MEI4: variants seen among roughly 807,000 people sequenced by gnomAD.
MEI4 encodes meiosis-specific protein MEI4.
A neutral mutation model predicts 31.4 loss-of-function variants in MEI4; 27 were observed. That is an observed-to-expected ratio of 0.86 (90% confidence interval 0.63 to 1.19). MEI4 has a LOEUF of 1.19. MEI4 is among the 50% of genes most tolerant of loss of function. The pLI is 0.00. For synonymous variants in MEI4, 122 were observed against 145.4 expected, an observed-to-expected ratio of 0.84 and a Z score of 1.16; for missense variants, 329 against 398.9, an observed-to-expected ratio of 0.82 and a Z score of 1.49.
chr6:77,915,431 C>CT (rs925429449), intron 4 of MEI4, among the ~76,000 whole-genome samples: 2 of 151,804 alleles, frequency 1.3e-5, no homozygotes, highest in East Asian at 1.9e-4. Flanking sequence ...AGGTTTTTTC[C>CT]TTTTTTTAGA....
At chr6:77,894,623 G>A (rs1170805359) in intron 4 of MEI4, among the ~76,000 whole-genome samples, 4 of 152,134 alleles carry the variant, frequency 2.6e-5, no homozygotes, top group African/African-American at 9.7e-5. Context: ...CTTTTGTAAT[G>A]TAATAATCTG....
chr6:77,915,742 C>A (rs1161579136), intron 4 of MEI4, among the ~76,000 whole-genome samples: 1 of 151,800 alleles, frequency 6.6e-6, no homozygotes. Context: ...TAGGGAAGAT[C>A]TTTTTTAATT....
upstream of MEI4, among the ~76,000 whole-genome samples, chr6:77,650,918 G>A (rs1424806973): frequency 6.6e-6 from 1 of 152,190 alleles, no homozygotes; most frequent in African/African-American, 2.4e-5. Context: ...CTTTGGTGGA[G>A]TTGTCAAATC....
intron 3 of MEI4, among the ~76,000 whole-genome samples, chr6:77,811,560 A>G (rs748147613): frequency 3.3e-5 from 5 of 152,012 alleles, no homozygotes; most frequent in Admixed American, 6.6e-5. Context: ...GATGGATCAC[A>G]AGGTCAAGAG....
At chr6:77,910,452 C>T (rs973645274) in intron 4 of MEI4, among the ~76,000 whole-genome samples, 13 of 152,202 alleles carry the variant, frequency 8.5e-5, no homozygotes, top group African/African-American at 2.6e-4. Flanking sequence ...CTCTCATTCA[C>T]AATTGCTTCA....
At chr6:77,774,362 C>T (rs1005662546) in intron 3 of MEI4, among the ~76,000 whole-genome samples, 3 of 152,026 alleles carry the variant, frequency 2.0e-5, no homozygotes, top group Non-Finnish European at 4.4e-5. Context: ...TCATTTGCAA[C>T]GACATTGATG....
At chr6:77,829,181 C>G (rs1479420328) in intron 4 of MEI4, 119 bp downstream of exon 4, 2 of 721,314 alleles carry the variant, frequency 2.8e-6, no homozygotes, top group Non-Finnish European at 3.8e-6. Flanking sequence ...TACCTTATGT[C>G]TAATATATGT....
chr6:77,685,980 A>G (rs566407756), intron 1 of MEI4, among the ~76,000 whole-genome samples: 8 of 114,186 alleles, frequency 7.0e-5, no homozygotes, highest in African/African-American at 2.3e-4. Flanking sequence ...TCATGGGGAC[A>G]GCTTTCTCAG....
chr6:77,666,889 G>A (rs9350714), intron 1 of MEI4, among the ~76,000 whole-genome samples: 48,399 of 151,526 alleles, frequency 0.32, 8,238 homozygotes, highest in Middle Eastern at 0.37. Context: ...GTGTGCGTGC[G>A]TGCGTGCGTG....
rs1766791037 is a variant in MEI4 at position 77,924,273 on chromosome 6, T to TC, written c.*927_*928insC. The TC allele has an allele frequency of 6.6e-6, 1 of 151,894 alleles. No individual in the cohort carries two copies. Among genetic ancestry groups the TC allele is most frequent in the South Asian group, 2.1e-4 (1 of 4,830 alleles). The allele number at this position is 151,894 out of a possible 1,614,324, so 9.4% of individuals were successfully genotyped here. The stretch of plus-strand genomic sequence containing the variant: ...ATTAATGATATGTGATGGTGTTTCA[T>TC]AAGTTAATTAGCATTCCTAAATGTC... On this transcript the variant is annotated 3_prime_UTR_variant, in exon 5 of 5. Transcript: ENST00000684080.
intron 1 of MEI4, among the ~76,000 whole-genome samples, chr6:77,687,080 A>G (rs1472459661): frequency 6.6e-6 from 1 of 152,010 alleles, no homozygotes; most frequent in Non-Finnish European, 1.5e-5. Context: ...TTCTACATGC[A>G]TTGCCTGAGG....
chr6:77,664,902 A>G (rs910281288), intron 1 of MEI4, among the ~76,000 whole-genome samples: 2 of 152,132 alleles, frequency 1.3e-5, no homozygotes, highest in African/African-American at 4.8e-5. Flanking sequence ...GCGGCATTGC[A>G]GAAGAAAATA....
At chr6:77,696,539 T>G (rs1227458397) in intron 2 of MEI4, among the ~76,000 whole-genome samples, 2 of 151,904 alleles carry the variant, frequency 1.3e-5, no homozygotes. Flanking sequence ...GTTTTTGTCT[T>G]TGGTTCTGTT....
chr6:77,820,436 T>A lies in MEI4; in HGVS notation c.769-8495T>A, dbSNP rs778123730. 4.6e-5 allele frequency among the ~76,000 whole-genome samples: 7 copies of A among 152,130 alleles called. No individual in the cohort carries two copies. The highest frequency in any genetic ancestry group is 1.0e-4 in the Non-Finnish European group (7 of 68,038). On this transcript the variant is annotated intron_variant, in intron 3 of 4. Transcript: ENST00000684080. This position sits in a 1 kb window ranked among gnomAD's most constrained non-coding sequence, Gnocchi z 4.5. ...GCCACCATGCCCCCCTGGCTAATTT[T>A]GTGTATTTTAGTAGAGACAGGGTTT...
intron 2 of MEI4, among the ~76,000 whole-genome samples, chr6:77,698,843 G>A (rs1191744876): frequency 1.3e-5 from 2 of 152,130 alleles, no homozygotes; most frequent in East Asian, 3.9e-4. Flanking sequence ...AGTTCTCCTG[G>A]ATAATATCCT....
rs576916286 is a variant in MEI4, at chr6:77,843,766, T to C, written c.900+14704T>C. Among the ~76,000 whole-genome samples, 420 of 152,184 alleles carry C rather than the reference T, an allele frequency of 2.8e-3. 5 individuals carry two copies. Among genetic ancestry groups the C allele is most frequent in the Middle Eastern group, 0.017 (5 of 294 alleles). On this transcript the variant is annotated intron_variant, in intron 4 of 4. Transcript: ENST00000684080. The stretch of plus-strand genomic sequence containing the variant: ...ACTCAAAATATGAAAATAAGCTATA[T>C]GTCCTTATTTAAAAAGGATGGGCTG...
intron 2 of MEI4, among the ~76,000 whole-genome samples, chr6:77,730,551 A>C (rs949888938): frequency 6.6e-6 from 1 of 151,378 alleles, no homozygotes; most frequent in East Asian, 1.9e-4. Context: ...CAGAGCAATT[A>C]TTTTGCTCAT....
At chr6:77,846,214 G>A (rs1009591037) in intron 4 of MEI4, among the ~76,000 whole-genome samples, 9 of 151,932 alleles carry the variant, frequency 5.9e-5, no homozygotes, top group African/African-American at 1.7e-4. Flanking sequence ...CCGGGTTCAC[G>A]CCATTCTCCT....
intron 3 of MEI4, among the ~76,000 whole-genome samples, chr6:77,802,337 A>C (rs1769288674): frequency 6.6e-6 from 1 of 152,034 alleles, no homozygotes; most frequent in Admixed American, 6.6e-5. Flanking sequence ...ATCTTCCTCC[A>C]TCCCTTTATT....
Sources: gnomAD v4.1 joint callset for allele counts (sites outside exome capture counted in the v4.1 genomes callset) on GRCh38, gnomAD v4.1.1 for gene constraint, Gnocchi (gnomAD v3.1) non-coding constraint, MANE v1.5 for transcripts, NCBI Gene and HGNC (gene_info 2026-07-23, HGNC 2026-07-21) for gene names.